ASTN1: variants seen among roughly 807,000 people sequenced by gnomAD.
ASTN1 encodes astrotactin-1.
ASTN1 carries 41 observed loss-of-function variants against 140.7 expected under a neutral mutation model. The observed-to-expected ratio is 0.29, with a 90% CI of 0.23 to 0.38. The LOEUF is 0.38. ASTN1 is among the 10% of genes least tolerant of loss of function. The pLI, the probability that ASTN1 is intolerant of heterozygous loss-of-function variation, is 1.00. For missense variants in ASTN1, 1,479 were observed against 1,678.8 expected, an observed-to-expected ratio of 0.88 and a Z score of 2.08; for synonymous variants, 640 against 652.2, an observed-to-expected ratio of 0.98 and a Z score of 0.29.
chr1:177,062,679 C>A (rs1678159234), intron 1 of ASTN1, among the ~76,000 whole-genome samples: 1 of 151,858 alleles, frequency 6.6e-6, no homozygotes, highest in Non-Finnish European at 1.5e-5. Flanking sequence ...CATCAAGTAC[C>A]ACAACCATAA....
At chr1:177,093,019 G>C (rs1050113080) in intron 1 of ASTN1, among the ~76,000 whole-genome samples, 7 of 152,162 alleles carry the variant, frequency 4.6e-5, no homozygotes, top group Non-Finnish European at 1.5e-5. Context: ...ACTGAACAGA[G>C]AGCTCTGTGC....
intron 16 of ASTN1, among the ~76,000 whole-genome samples, chr1:176,903,090 A>C (rs912606978): frequency 2.6e-5 from 4 of 152,216 alleles, no homozygotes; most frequent in Non-Finnish European, 5.9e-5. Flanking sequence ...AAGGGGATTT[A>C]GCCTAAAATT....
rs1668034773 is a variant in ASTN1, at chr1:176,863,546, TCTTGTTCC to T, written c.*730_*737del. 1.0e-6 allele frequency: 1 copy of T among 985,446 alleles called. No individual in the cohort carries two copies. The highest frequency in any genetic ancestry group is 1.2e-6 in the Non-Finnish European group (1 of 829,938). The allele number at this position is 985,446 out of a possible 1,614,324, so 61.0% of individuals were successfully genotyped here. On this transcript the variant is annotated 3_prime_UTR_variant, in exon 23 of 23. Coordinates refer to ENST00000361833, the MANE Select transcript of ASTN1 (RefSeq NM_004319.3). ...CTGAAGGTGCAGTTGACAGATGGCA[TCTTGTTCC>T]CTCTCAAAGATCATGTTGTTCAGAG...
intron 1 of ASTN1, among the ~76,000 whole-genome samples, chr1:177,161,023 T>G (rs1465482827): frequency 1.3e-5 from 2 of 152,172 alleles, no homozygotes; most frequent in South Asian, 4.1e-4. Flanking sequence ...AAAACATACC[T>G]AAAAGTCATA....
chr1:177,001,447 A>G (rs1674723502), intron 8 of ASTN1, among the ~76,000 whole-genome samples: 2 of 152,250 alleles, frequency 1.3e-5, no homozygotes, highest in Non-Finnish European at 2.9e-5. Flanking sequence ...AGCACAACTC[A>G]TCTCATTTAG....
intron 2 of ASTN1, among the ~76,000 whole-genome samples, chr1:177,038,589 C>T (rs980356991): frequency 1.3e-5 from 2 of 152,142 alleles, no homozygotes; most frequent in African/African-American, 4.8e-5. Flanking sequence ...TCAATATGGT[C>T]ATCTTCTCTG....
At chr1:176,982,838 G>T (rs1673686452) in intron 8 of ASTN1, among the ~76,000 whole-genome samples, 1 of 152,200 alleles carries the variant, frequency 6.6e-6, no homozygotes, top group Admixed American at 6.5e-5. Flanking sequence ...AAAAGACCTA[G>T]CGTGAGCCTT....
At chr1:176,876,414 T>C in intron 21 of ASTN1, 123 bp downstream of exon 21, 2 of 1,030,716 alleles carry the variant, frequency 1.9e-6, no homozygotes, top group Non-Finnish European at 1.5e-6. Flanking sequence ...GGGCCTTGAA[T>C]TCTCCTTCCC....
chr1:176,890,841 T>C (rs139241994), intron 17 of ASTN1, among the ~76,000 whole-genome samples: 1 of 151,976 alleles, frequency 6.6e-6, no homozygotes, highest in Non-Finnish European at 1.5e-5. Flanking sequence ...GCCTGGCCAA[T>C]GTGGCAAAAC....
At chr1:177,087,636 A>G (rs916004021) in intron 1 of ASTN1, among the ~76,000 whole-genome samples, 1 of 152,184 alleles carries the variant, frequency 6.6e-6, no homozygotes, top group Non-Finnish European at 1.5e-5. Flanking sequence ...CAATGAATCA[A>G]TGTCCCCGTA....
intron 8 of ASTN1, among the ~76,000 whole-genome samples, chr1:176,970,988 A>G (rs924835502): frequency 6.6e-6 from 1 of 152,214 alleles, no homozygotes; most frequent in African/African-American, 2.4e-5. Flanking sequence ...AGTTTCTGGT[A>G]GAAGCATGGT....
chr1:176,861,214 C>T lies in ASTN1; in HGVS notation c.*3070G>A, dbSNP rs1667947768. On this transcript the variant is annotated 3_prime_UTR_variant, in exon 23 of 23. Coordinates refer to ENST00000361833, the MANE Select transcript of ASTN1 (RefSeq NM_004319.3). ...TCTGCAGTAGTAAAGTGTTTTTCTT[C>T]ATACTCAGTTTTTTTAATAGAACAT... is the stretch of plus-strand genomic sequence containing the variant. The T allele has an allele frequency of 1.0e-6, 1 of 977,632 alleles. No homozygotes were observed. The highest frequency in any genetic ancestry group is 1.2e-6 in the Non-Finnish European group (1 of 822,698). 60.6% of individuals were successfully genotyped at this position (977,632 alleles called of 1,614,324 possible). A position where few individuals can be genotyped will look rare whatever the true frequency, so the allele number is the denominator to read the frequency against.
At chr1:176,985,642 C>T (rs1673855392) in intron 8 of ASTN1, among the ~76,000 whole-genome samples, 1 of 152,030 alleles carries the variant, frequency 6.6e-6, no homozygotes, top group South Asian at 2.1e-4. Context: ...GTGCAGATCC[C>T]TCGCTGCACC....
chr1:177,154,669 A>C (rs904844828), intron 1 of ASTN1, among the ~76,000 whole-genome samples: 3 of 130,530 alleles, frequency 2.3e-5, no homozygotes, highest in African/African-American at 1.3e-4. Flanking sequence ...GCAAGAACAC[A>C]TACCAAAAAA....
At chr1:177,010,163 T>C (rs1209757634) in intron 8 of ASTN1, among the ~76,000 whole-genome samples, 1 of 152,240 alleles carries the variant, frequency 6.6e-6, no homozygotes, top group Non-Finnish European at 1.5e-5. Context: ...CCCTTGTTTA[T>C]TGTTTTCAAT....
At chr1:176,870,316 G>A (rs1233921536) in intron 21 of ASTN1, among the ~76,000 whole-genome samples, 2 of 152,198 alleles carry the variant, frequency 1.3e-5, no homozygotes, top group Non-Finnish European at 2.9e-5. Context: ...CTGTTAGCTC[G>A]CAGCCATGGT....
intron 16 of ASTN1, 117 bp downstream of exon 16, chr1:176,934,035 A>AG: frequency 9.0e-7 from 1 of 1,109,974 alleles, no homozygotes; most frequent in Admixed American, 2.5e-5. Context: ...ACAGAGCATT[A>AG]GGGGAAAATC....
At chr1:177,027,614 C>A (rs566327145) in intron 5 of ASTN1, among the ~76,000 whole-genome samples, 22 of 150,950 alleles carry the variant, frequency 1.5e-4, no homozygotes, top group African/African-American at 5.1e-4. Flanking sequence ...CTTTAAAACA[C>A]CATGTTCTTT....
At chr1:176,930,003 G>A (rs545530820) in intron 16 of ASTN1, among the ~76,000 whole-genome samples, 16 of 152,206 alleles carry the variant, frequency 1.1e-4, no homozygotes, top group Non-Finnish European at 1.6e-4. Flanking sequence ...GCAAGACTCC[G>A]TCTCAAAAAA....
Sources: allele counts gnomAD v4.1 joint callset (sites outside exome capture counted in the v4.1 genomes callset), GRCh38; gene constraint gnomAD v4.1.1; transcripts MANE v1.5; gene names NCBI Gene and HGNC (gene_info 2026-07-23, HGNC 2026-07-21).